LUC7L2: variants seen among roughly 807,000 people sequenced by gnomAD.
The protein encoded by LUC7L2 is putative RNA-binding protein Luc7-like 2.
Under a neutral mutation model 52.8 loss-of-function variants are expected in LUC7L2, and 25 were observed. The observed-to-expected ratio is 0.47, with a 90% CI of 0.34 to 0.66. The LOEUF is 0.66. LUC7L2 is among the 30% of genes least tolerant of loss of function. The pLI is 0.01. For missense variants in LUC7L2, 328 were observed against 497.8 expected, an observed-to-expected ratio of 0.66 and a Z score of 3.25; for synonymous variants, 144 against 160.9, an observed-to-expected ratio of 0.89 and a Z score of 0.80.
At chr7:139,365,741 T>C (rs534094179) in intron 1 of LUC7L2, among the ~76,000 whole-genome samples, 2 of 152,316 alleles carry the variant, frequency 1.3e-5, no homozygotes, top group Non-Finnish European at 2.9e-5. Context: ...CTGCTGTTAG[T>C]ATGTAGAGTT....
intron 3 of LUC7L2, 95 bp downstream of exon 3, chr7:139,398,792 G>C: frequency 3.5e-6 from 4 of 1,146,366 alleles, no homozygotes; most frequent in Non-Finnish European, 4.8e-6. Context: ...ACTCTTAGCA[G>C]TTTATCCTCT....
intron 9 of LUC7L2, 95 bp downstream of exon 9, chr7:139,417,824 T>C (rs1195334065): frequency 6.8e-7 from 1 of 1,464,736 alleles, no homozygotes; most frequent in Non-Finnish European, 9.1e-7. Flanking sequence ...TTCAGATTAT[T>C]GGTTTGAAAC....
chr7:139,371,446 G>C (rs1569371600), intron 1 of LUC7L2: 1 of 1,538,396 alleles, frequency 6.5e-7, no homozygotes, highest in Admixed American at 2.0e-5. Context: ...AAAATACAGG[G>C]AGCATCGGAG....
chr7:139,356,235 G>A (rs752705121), upstream of LUC7L2, among the ~76,000 whole-genome samples: 13 of 150,276 alleles, frequency 8.7e-5, no homozygotes, highest in African/African-American at 2.2e-4. Context: ...ACTTGAGCCC[G>A]GGAAGCCAAG....
chr7:139,388,502 G>T (rs1476220615), intron 2 of LUC7L2, among the ~76,000 whole-genome samples: 1 of 151,790 alleles, frequency 6.6e-6, no homozygotes, highest in East Asian at 1.9e-4. Context: ...TTGTTAACAT[G>T]GGGGTCAGAC....
upstream of LUC7L2, chr7:139,359,749 G>C: frequency 2.5e-6 from 1 of 400,616 alleles, no homozygotes; most frequent in Non-Finnish European, 4.4e-6. Context: ...GCGAGATCCG[G>C]GGTAAAGGGG....
chr7:139,377,229 A>T (rs1300243810), intron 2 of LUC7L2, among the ~76,000 whole-genome samples: 1 of 152,116 alleles, frequency 6.6e-6, no homozygotes, highest in African/African-American at 2.4e-5. Context: ...TCTGATACAG[A>T]GTCTTGCTCT....
At chr7:139,375,799 C>A (rs1352235421) in intron 1 of LUC7L2, 2 of 350,336 alleles carry the variant, frequency 5.7e-6, no homozygotes, top group Non-Finnish European at 9.5e-6. Context: ...CTCTAAAATC[C>A]TATGCTTTTC....
At chr7:139,358,372 A>G (rs1423199068), upstream of LUC7L2, among the ~76,000 whole-genome samples, 2 of 152,230 alleles carry the variant, frequency 1.3e-5, no homozygotes, top group African/African-American at 2.4e-5. Flanking sequence ...TGATCTGCTA[A>G]TAACAGTTCC....
chr7:139,394,471 T>C (rs570577940), intron 2 of LUC7L2, among the ~76,000 whole-genome samples: 1 of 152,356 alleles, frequency 6.6e-6, no homozygotes, highest in East Asian at 1.9e-4. Flanking sequence ...ACATAGTTGC[T>C]TTTCTTCCTT....
intron 1 of LUC7L2, chr7:139,374,810 A>G (rs1800623497): frequency 1.8e-6 from 2 of 1,097,020 alleles, no homozygotes; most frequent in Middle Eastern, 4.0e-4. Flanking sequence ...GTTTAGTTGA[A>G]TTTAAGTTAA....
intron 8 of LUC7L2, among the ~76,000 whole-genome samples, chr7:139,413,663 A>T (rs1221730570): frequency 6.6e-6 from 1 of 152,214 alleles, no homozygotes; most frequent in African/African-American, 2.4e-5. Context: ...CTGTAATCCC[A>T]GCTACTTGAG....
intron 2 of LUC7L2, 90 bp downstream of exon 2, chr7:139,376,246 G>A (rs1800703620): frequency 6.2e-6 from 8 of 1,297,902 alleles, no homozygotes; most frequent in East Asian, 2.4e-5. Flanking sequence ...CAAAAGAATT[G>A]ACTTGTGAGG....
intron 2 of LUC7L2, among the ~76,000 whole-genome samples, chr7:139,393,983 A>G (rs1411951992): frequency 6.6e-6 from 1 of 152,134 alleles, no homozygotes; most frequent in Non-Finnish European, 1.5e-5. Context: ...ACCAAAATCT[A>G]CTATGATGAG....
At chr7:139,341,307 T>C in intron 1 of LUC7L2, 1 of 1,535,646 alleles carries the variant, frequency 6.5e-7, no homozygotes, top group Middle Eastern at 2.2e-4. Flanking sequence ...GACCGTACCA[T>C]TAGGCGCCTG....
intron 1 of LUC7L2, among the ~76,000 whole-genome samples, chr7:139,373,425 A>G (rs1038679699): frequency 1.3e-5 from 2 of 152,192 alleles, no homozygotes; most frequent in African/African-American, 2.4e-5. Flanking sequence ...AATGGCTGCT[A>G]TTTGATAGCT....
In LUC7L2 at chr7:139,365,935, A is replaced by G. The variant is rs574599222; in HGVS notation, c.61+5613A>G. On this transcript the variant is annotated intron_variant, in intron 1 of 9. Transcript: ENST00000354926. ...AGGTTCTCATGCACTAGCAGCTGCT[A>G]GAATAGATATTGGAAGGCAGGGCCA... Among the ~76,000 whole-genome samples the G allele has an allele frequency of 3.4e-4, 52 of 152,354 alleles. 1 individual carries two copies. The highest frequency in any genetic ancestry group is 1.1e-3 in the African/African-American group (45 of 41,582).
At chr7:139,387,319 G>T (rs898047712) in intron 2 of LUC7L2, among the ~76,000 whole-genome samples, 1 of 151,668 alleles carries the variant, frequency 6.6e-6, no homozygotes, top group East Asian at 1.9e-4. Context: ...TCAGCCTCCC[G>T]AGTAGCTGGG....
chr7:139,348,482 C>T (rs759790755), intron 1 of LUC7L2, among the ~76,000 whole-genome samples: 18 of 150,908 alleles, frequency 1.2e-4, no homozygotes, highest in Non-Finnish European at 2.1e-4. Context: ...GCACTTTGAG[C>T]GGCCGAGGCA....
Sources: gnomAD v4.1 joint callset for allele counts (sites outside exome capture counted in the v4.1 genomes callset) on GRCh38, gnomAD v4.1.1 for gene constraint, MANE v1.5 for transcripts, NCBI Gene and HGNC (gene_info 2026-07-23, HGNC 2026-07-21) for gene names.